SORCS2: variants seen among roughly 807,000 people sequenced by gnomAD.
SORCS2 encodes VPS10 domain-containing receptor SorCS2.
In SORCS2, 100 loss-of-function variants were observed where a neutral mutation model predicts 141.6. The observed-to-expected ratio is 0.71, with a 90% CI of 0.60 to 0.83. SORCS2 has a LOEUF of 0.83. Among genes scored for constraint, SORCS2 ranks in the 40% least tolerant of loss-of-function variants. The probability of loss-of-function intolerance (pLI) is 0.00; values close to 1 mark genes in which losing one functional copy is unlikely to be tolerated. For missense variants in SORCS2, 1,646 were observed against 1,560.2 expected, an observed-to-expected ratio of 1.05 and a Z score of -0.93; for synonymous variants, 789 against 676.9, an observed-to-expected ratio of 1.17 and a Z score of -2.57.
At chr4:7,516,892 T>G (rs1314483267) in intron 2 of SORCS2, among the ~76,000 whole-genome samples, 1 of 152,202 alleles carries the variant, frequency 6.6e-6, no homozygotes, top group African/African-American at 2.4e-5. Context: ...GGCCGCATGT[T>G]GTGAGGGCCC....
At chr4:7,371,916 G>C (rs1722273657) in intron 1 of SORCS2, among the ~76,000 whole-genome samples, 1 of 152,240 alleles carries the variant, frequency 6.6e-6, no homozygotes, top group Admixed American at 6.5e-5. Flanking sequence ...GTGGCCTCTA[G>C]AAGGGCTGTG....
chr4:7,587,042 C>G (rs888915030), intron 3 of SORCS2, among the ~76,000 whole-genome samples: 5 of 151,942 alleles, frequency 3.3e-5, no homozygotes, highest in Non-Finnish European at 5.9e-5. Flanking sequence ...CTCTTAGCTA[C>G]AGATGATCGG....
At chr4:7,428,041 C>T (rs764629007) in intron 2 of SORCS2, among the ~76,000 whole-genome samples, 1 of 152,124 alleles carries the variant, frequency 6.6e-6, no homozygotes, top group Non-Finnish European at 1.5e-5. Context: ...GCACCCATCT[C>T]CCTGAGTTTC....
At chr4:7,421,043 G>A (rs1292313112) in intron 2 of SORCS2, among the ~76,000 whole-genome samples, 7 of 152,188 alleles carry the variant, frequency 4.6e-5, no homozygotes, top group African/African-American at 7.2e-5. Context: ...ATGGAGACCC[G>A]GGCCTGGTTC....
Position 7,614,457 on chromosome 4 carries a change from C to T in SORCS2, c.649-23871C>T, listed in dbSNP as rs1718623477. Among the ~76,000 whole-genome samples, 2 of 150,962 alleles carry T rather than the reference C, an allele frequency of 1.3e-5. 1 individual carries two copies. Among genetic ancestry groups the T allele is most frequent in the Admixed American group, 1.3e-4 (2 of 15,158 alleles). On this transcript the variant is annotated intron_variant, in intron 3 of 26. Coordinates refer to ENST00000507866, the MANE Select transcript of SORCS2 (RefSeq NM_020777.3). The stretch of plus-strand genomic sequence containing the variant: ...TCCATTCACCCATAATCCATCCATT[C>T]ACCCATAATCCATAACCCATCCACG...
At chr4:7,257,914 T>C (rs1714016858) in intron 1 of SORCS2, among the ~76,000 whole-genome samples, 1 of 152,148 alleles carries the variant, frequency 6.6e-6, no homozygotes, top group African/African-American at 2.4e-5. Context: ...TGCAACTTTC[T>C]CTTTGAGGTC....
rs114251751 is a variant in SORCS2, at chr4:7,415,328, G to T, written c.548+18973G>T. 2.8e-3 allele frequency among the ~76,000 whole-genome samples: 428 copies of T among 152,294 alleles called. 1 individual carries two copies. Among genetic ancestry groups the T allele is most frequent in the African/African-American group, 9.8e-3 (409 of 41,568 alleles). On this transcript the variant is annotated intron_variant, in intron 2 of 26. Transcript: ENST00000507866. ...GTTTCTCTCCCAGGGCTCTAGGAAA[G>T]AATCCATTCTCTTGCCTTCTCCAGC... is the stretch of plus-strand genomic sequence containing the variant.
intron 2 of SORCS2, among the ~76,000 whole-genome samples, chr4:7,407,832 A>G (rs919090474): frequency 3.3e-5 from 5 of 151,948 alleles, no homozygotes; most frequent in Non-Finnish European, 7.4e-5. Flanking sequence ...ACTTATTTTT[A>G]TTAAATCTAT....
At chr4:7,493,196 G>A (rs1219311619) in intron 2 of SORCS2, among the ~76,000 whole-genome samples, 2 of 152,178 alleles carry the variant, frequency 1.3e-5, no homozygotes, top group African/African-American at 2.4e-5. Flanking sequence ...GAGGGTTTGG[G>A]ACCCAGCCTG....
chr4:7,726,862 G>C lies in SORCS2; in HGVS notation c.2828G>C (p.Gly943Ala). 1.2e-6 allele frequency: 2 copies of C among 1,613,802 alleles called. No individual in the cohort carries two copies. Among genetic ancestry groups the C allele is most frequent in the South Asian group, 1.1e-5 (1 of 91,070 alleles). The change falls in exon 21 of 27, where the codon GGG (glycine) becomes GCG (alanine). Residue 943 changes from glycine (G) to alanine (A), a missense_variant. Coordinates refer to ENST00000507866, the MANE Select transcript of SORCS2 (RefSeq NM_020777.3). ...DVRVTVQAAC[G>A]NSVLQDSRVL... Reference sequence around the variant, plus strand: ...CGTGTGACGGTGCAGGCCGCCTGTGGGAACTCGGTGCTGCAGGACTCCAGG... The same window carrying C: ...CGTGTGACGGTGCAGGCCGCCTGTGCGAACTCGGTGCTGCAGGACTCCAGG...
intron 1 of SORCS2, among the ~76,000 whole-genome samples, chr4:7,305,171 G>A (rs1438929690): frequency 6.6e-5 from 10 of 151,904 alleles, no homozygotes; most frequent in East Asian, 1.9e-4. Context: ...AGCTGGGACT[G>A]CAGGCGCCTG....
At chr4:7,204,539 C>G (rs1727632500) in intron 1 of SORCS2, among the ~76,000 whole-genome samples, 1 of 152,138 alleles carries the variant, frequency 6.6e-6, no homozygotes, top group South Asian at 2.1e-4. Flanking sequence ...TTTGATTGAG[C>G]CTGAGGTTTT....
chr4:7,334,638 G>T (rs1719875878), intron 1 of SORCS2, among the ~76,000 whole-genome samples: 1 of 152,184 alleles, frequency 6.6e-6, no homozygotes. Context: ...CAGAGGCGGG[G>T]AGTGTGCACA....
rs57742105 is a variant in SORCS2 at position 7,712,990 on chromosome 4, C to A, written c.1989+137C>A. The A allele has an allele frequency of 4.6e-6, 6 of 1,318,484 alleles. No individual in the cohort carries two copies. The African/African-American group carries it at 7.3e-5, about 16-fold the overall frequency. 81.7% of individuals were successfully genotyped at this position (1,318,484 alleles called of 1,614,324 possible). The stretch of plus-strand genomic sequence containing the variant: ...CAAGAAGTCTTCAGGGAATCCCCAG[C>A]GCCTTGAGATGTCCAGGCCTCCTGT... On this transcript the variant is annotated intron_variant, in intron 15 of 26. Coordinates refer to ENST00000507866, the MANE Select transcript of SORCS2 (RefSeq NM_020777.3).
chr4:7,621,802 A>G (rs1282606992), intron 3 of SORCS2, among the ~76,000 whole-genome samples: 1 of 152,112 alleles, frequency 6.6e-6, no homozygotes, highest in Non-Finnish European at 1.5e-5. Context: ...GAGACAGGCG[A>G]CCTCTGGGTA....
intron 3 of SORCS2, among the ~76,000 whole-genome samples, chr4:7,533,173 G>A (rs763759967): frequency 6.6e-6 from 1 of 152,192 alleles, no homozygotes; most frequent in Non-Finnish European, 1.5e-5. Flanking sequence ...AGGGGGCCTG[G>A]ATTTGAACCC....
In SORCS2 at chr4:7,286,771, A is replaced by G. The variant is rs1716254397; in HGVS notation, c.480+93645A>G. 6.6e-6 allele frequency among the ~76,000 whole-genome samples: 1 copy of G among 152,188 alleles called. No homozygotes were observed. Among genetic ancestry groups the G allele is most frequent in the Non-Finnish European group, 1.5e-5 (1 of 68,030 alleles). Reference sequence around the variant, plus strand: ...GGGCCTCGGTTAACCAGAGCAGATGATAACTGAGGCAGACTGGGAGGCGTC... The same window carrying G: ...GGGCCTCGGTTAACCAGAGCAGATGGTAACTGAGGCAGACTGGGAGGCGTC... On this transcript the variant is annotated intron_variant, in intron 1 of 26. Transcript: ENST00000507866. The surrounding 1 kb of genome is among the most constrained non-coding windows in gnomAD (Gnocchi z 4.1).
intron 3 of SORCS2, among the ~76,000 whole-genome samples, chr4:7,601,183 A>G (rs1254843306): frequency 6.6e-6 from 1 of 152,212 alleles, no homozygotes; most frequent in Non-Finnish European, 1.5e-5. Flanking sequence ...AAGTATCTTT[A>G]TCTTCCTCTT....
chr4:7,561,783 C>G (rs964109890), intron 3 of SORCS2, among the ~76,000 whole-genome samples: 4 of 152,040 alleles, frequency 2.6e-5, no homozygotes, highest in Non-Finnish European at 4.4e-5. Flanking sequence ...GTCCATCTGT[C>G]CATTTGCCCA....
Sources: allele counts gnomAD v4.1 joint callset (sites outside exome capture counted in the v4.1 genomes callset), GRCh38; gene constraint gnomAD v4.1.1; non-coding constraint Gnocchi (gnomAD v3.1); transcripts MANE v1.5; gene names NCBI Gene and HGNC (gene_info 2026-07-23, HGNC 2026-07-21).